Variants in SIN3A observed in about 807,000 individuals in gnomAD.
SIN3A encodes SIN3 transcription regulator family member A.
Under a neutral mutation model 146.1 loss-of-function variants are expected in SIN3A, and 14 were observed. The ratio of observed to expected loss-of-function variants is 0.10; its 90% CI spans 0.06 to 0.15. The LOEUF (loss-of-function observed/expected upper bound fraction) is 0.15. Among genes scored for constraint, SIN3A ranks in the 10% least tolerant of loss-of-function variants. The probability of loss-of-function intolerance (pLI) is 1.00; values close to 1 mark genes in which losing one functional copy is unlikely to be tolerated. For missense variants in SIN3A, 1,028 were observed against 1,576.0 expected (o/e 0.65, Z 5.89); for synonymous variants, 572 against 572.0 (o/e 1.00, Z 0.00).
chr15:75,388,051 C>T (rs1001850108), intron 16 of SIN3A, among the ~76,000 whole-genome samples: 2 of 152,066 alleles, frequency 1.3e-5, no homozygotes, highest in African/African-American at 4.8e-5. Flanking sequence ...AGGCATGCAC[C>T]CTTCCAAAAC....
chr15:75,454,766 G>A (rs2074464826), upstream of SIN3A: 1 of 152,354 alleles, frequency 6.6e-6, no homozygotes, highest in South Asian at 2.1e-4. Flanking sequence ...GGCACGGTCG[G>A]GGGAGGGGAA....
At chr15:75,401,747 G>C in intron 10 of SIN3A, 105 bp downstream of exon 10, 1 of 708,380 alleles carries the variant, frequency 1.4e-6, no homozygotes. Context: ...TGAGTCAACT[G>C]ATGTATCTCA....
intron 1 of SIN3A, chr15:75,446,264 G>C (rs1388443505): frequency 6.6e-6 from 1 of 151,298 alleles, no homozygotes; most frequent in Non-Finnish European, 1.5e-5. Context: ...AAGGAAGTGA[G>C]GGAGCTAGTC....
chr15:75,394,965 A>T, intron 13 of SIN3A, 102 bp from the exon 14 acceptor site: 1 of 1,066,460 alleles, frequency 9.4e-7, no homozygotes, highest in Non-Finnish European at 1.3e-6. Context: ...GTGCAAAGCT[A>T]TATTAGGTCT....
intron 6 of SIN3A, among the ~76,000 whole-genome samples, chr15:75,410,975 CAA>C (rs36019521): frequency 1.3e-4 from 16 of 127,712 alleles, no homozygotes; most frequent in Non-Finnish European, 2.0e-4. Flanking sequence ...AACTCTGTCT[CAA>C]AAAAAAAAAA....
intron 15 of SIN3A, among the ~76,000 whole-genome samples, chr15:75,391,767 T>C (rs2073207191): frequency 6.6e-6 from 1 of 152,212 alleles, no homozygotes; most frequent in East Asian, 1.9e-4. Flanking sequence ...AGTTCCAGTC[T>C]CCTTTCCATA....
At chr15:75,427,351 C>T (rs768987666) in intron 2 of SIN3A, among the ~76,000 whole-genome samples, 4 of 151,438 alleles carry the variant, frequency 2.6e-5, no homozygotes, top group South Asian at 2.1e-4. Flanking sequence ...CCAGCTGGGG[C>T]GACAGAGCGA....
intron 1 of SIN3A, among the ~76,000 whole-genome samples, chr15:75,434,952 A>G (rs74472251): frequency 4.0e-5 from 6 of 150,072 alleles, no homozygotes; most frequent in East Asian, 2.0e-4. Context: ...CCGCCTCAAG[A>G]AAAAAAAAAG....
chr15:75,422,852 C>CT lies in SIN3A; in HGVS notation c.190-30dup, dbSNP rs781582921. 3.1e-6 allele frequency: 5 copies of CT among 1,595,352 alleles called. No individual in the cohort carries two copies. In the East Asian group the frequency reaches 1.1e-4, roughly 36 times the overall value. ...GGGTGAACAAAATACAGACAGGAAA[C>CT]TTCAAGGCTTGTACATTCTTCCCCA... On this transcript the variant is annotated intron_variant, in intron 2 of 20. Transcript: ENST00000394947.
At position 75,410,281 on chromosome 15, in the gene SIN3A, C is replaced by T. The variant is rs1170476169; in HGVS notation, c.1014G>A (p.Glu338=). The change falls in exon 7 of 21, where the codon GAG becomes GAA. Residue 338 remains glutamate, a synonymous_variant. Coordinates refer to ENST00000394947, the MANE Select transcript of SIN3A (RefSeq NM_001145358.2). ...FLEILHTYQK[E]QRNAKEAGGN... ...CTCCAGCTTCCTTGGCATTTCTCTG[C>T]TCTTTCTGAGGAATTGCAAATGAAA... is the stretch of plus-strand genomic sequence containing the variant. 6.2e-7 allele frequency: 1 copy of T among 1,611,958 alleles called. No individual in the cohort carries two copies. The highest frequency in any genetic ancestry group is 2.2e-5 in the East Asian group (1 of 44,850).
At chr15:75,400,689 G>C in intron 11 of SIN3A, 41 bp downstream of exon 11, 2 of 1,493,886 alleles carry the variant, frequency 1.3e-6, no homozygotes, top group Non-Finnish European at 1.9e-6. Context: ...TCTGGAAAAA[G>C]CTGAGGACCC....
chr15:75,418,839 C>G (rs2073791127), intron 3 of SIN3A, among the ~76,000 whole-genome samples: 1 of 152,070 alleles, frequency 6.6e-6, no homozygotes, highest in Admixed American at 6.6e-5. Context: ...ACCGCAAGCT[C>G]TGCCTCCCGG....
chr15:75,404,369 T>G (rs750377287), intron 9 of SIN3A, among the ~76,000 whole-genome samples: 1 of 152,216 alleles, frequency 6.6e-6, no homozygotes, highest in Non-Finnish European at 1.5e-5. Context: ...TAAATTTTGT[T>G]TCATCTATAC....
chr15:75,393,055 C>T (rs111883498), intron 14 of SIN3A, among the ~76,000 whole-genome samples: 1 of 152,142 alleles, frequency 6.6e-6, no homozygotes, highest in Admixed American at 6.5e-5. Flanking sequence ...TATGGTGAAA[C>T]CCCGCCTCTA....
rs770852413 is a variant in SIN3A, at chr15:75,414,333, A to C, written c.367-22T>G. Reference sequence around the variant, plus strand: ...CCACCTGAGGCAGGGATAAATATCAAGGTTATAAAAAGAAAGTAAGCTCAT... The same window carrying C: ...CCACCTGAGGCAGGGATAAATATCACGGTTATAAAAAGAAAGTAAGCTCAT... On this transcript the variant is annotated intron_variant, in intron 3 of 20. Transcript: ENST00000394947. 3.2e-5 allele frequency: 42 copies of C among 1,327,388 alleles called. No homozygotes were observed. In the Admixed American group the frequency reaches 3.4e-4, roughly 11 times the overall value. 82.2% of individuals were successfully genotyped at this position (1,327,388 alleles called of 1,614,324 possible).
intron 20 of SIN3A, among the ~76,000 whole-genome samples, chr15:75,374,287 G>C (rs996500727): frequency 2.0e-5 from 3 of 152,072 alleles, no homozygotes; most frequent in Non-Finnish European, 4.4e-5. Flanking sequence ...CTTGAGGTCA[G>C]GTTCGAGACC....
intron 16 of SIN3A, among the ~76,000 whole-genome samples, chr15:75,388,018 T>G (rs1328886127): frequency 2.0e-5 from 3 of 152,296 alleles, no homozygotes; most frequent in African/African-American, 7.2e-5. Flanking sequence ...CAATCCTGTG[T>G]AGATACTGTG....
chr15:75,418,436 G>A (rs909153217), intron 3 of SIN3A, among the ~76,000 whole-genome samples: 9 of 151,132 alleles, frequency 6.0e-5, no homozygotes, highest in Non-Finnish European at 1.2e-4. Context: ...AGCGATTCTC[G>A]TGCCTCAGCC....
Position 75,371,782 on chromosome 15 carries a change from T to C in SIN3A, c.*197A>G. The stretch of plus-strand genomic sequence containing the variant: ...TTTGGGAAAAGTTCCAGCTTCAGCT[T>C]TGTAAGGTATTCATGTTCCTAACAG... On this transcript the variant is annotated 3_prime_UTR_variant, in exon 21 of 21. Transcript: ENST00000394947. 2 of 574,746 alleles carry C rather than the reference T, an allele frequency of 3.5e-6. No homozygotes were observed. Among genetic ancestry groups the C allele is most frequent in the South Asian group, 2.3e-5 (1 of 43,846 alleles). The allele number at this position is 574,746 out of a possible 1,614,324, so 35.6% of individuals were successfully genotyped here. A position where few individuals can be genotyped will look rare whatever the true frequency, so the allele number is the denominator to read the frequency against.
Sources: gnomAD v4.1 joint callset for allele counts (sites outside exome capture counted in the v4.1 genomes callset) on GRCh38, gnomAD v4.1.1 for gene constraint, MANE v1.5 for transcripts, NCBI Gene and HGNC (gene_info 2026-07-23, HGNC 2026-07-21) for gene names.